Variants in MAGI2 observed in about 807,000 individuals in gnomAD.
MAGI2 encodes membrane-associated guanylate kinase, WW and PDZ domain-containing protein 2.
In MAGI2, 35 loss-of-function variants were observed where a neutral mutation model predicts 133.3. That is an observed-to-expected ratio of 0.26 (90% CI 0.20 to 0.35). The LOEUF is 0.35. Ranked by LOEUF, MAGI2 falls within the 10% of genes least tolerant of loss-of-function variation. The pLI is 1.00. For synonymous variants in MAGI2, 729 were observed against 710.6 expected (o/e 1.03, Z -0.41); for missense variants, 1,636 against 1,863.4 (o/e 0.88, Z 2.25).
intron 12 of MAGI2, among the ~76,000 whole-genome samples, chr7:78,191,489 T>G (rs1828205994): frequency 6.6e-6 from 1 of 152,248 alleles, no homozygotes; most frequent in Non-Finnish European, 1.5e-5. Context: ...CATTGTAAGC[T>G]TCTAATGAGC....
At position 78,668,887 on chromosome 7, in the gene MAGI2, A is replaced by C. The variant is rs562199762; in HGVS notation, c.419-41648T>G. 8.8e-3 allele frequency among the ~76,000 whole-genome samples: 1,324 copies of C among 150,614 alleles called. 28 individuals are homozygous for C. Among genetic ancestry groups the C allele is most frequent in the African/African-American group, 0.031 (1,252 of 40,026 alleles). ...TTGAAACCAATGAGAACAAAGACACAACATACCAGAATCTCTGGGACGCAT... is the reference window on the plus strand; with the variant it reads ...TTGAAACCAATGAGAACAAAGACACCACATACCAGAATCTCTGGGACGCAT... On this transcript the variant is annotated intron_variant, in intron 2 of 21. Transcript: ENST00000354212.
At chr7:78,890,680 G>T (rs1796669997) in intron 2 of MAGI2, among the ~76,000 whole-genome samples, 1 of 152,148 alleles carries the variant, frequency 6.6e-6, no homozygotes, top group Non-Finnish European at 1.5e-5. Flanking sequence ...TGAAACCAAT[G>T]AGAACAAAGA....
intron 9 of MAGI2, among the ~76,000 whole-genome samples, chr7:78,278,803 C>A (rs1453414126): frequency 6.6e-6 from 1 of 152,122 alleles, no homozygotes; most frequent in Non-Finnish European, 1.5e-5. Flanking sequence ...TGCTTCCCTG[C>A]CCTTCAGATT....
At chr7:79,303,382 G>C (rs992442929) in intron 1 of MAGI2, among the ~76,000 whole-genome samples, 6 of 152,060 alleles carry the variant, frequency 3.9e-5, no homozygotes, top group African/African-American at 1.4e-4. Context: ...AAACACTTTA[G>C]TACCTTGGGA....
chr7:78,848,437 C>T (rs181476974), intron 2 of MAGI2, among the ~76,000 whole-genome samples: 236 of 152,088 alleles, frequency 1.6e-3, no homozygotes, highest in Admixed American at 3.9e-3. Context: ...CTATCCTTGC[C>T]ATCCTTTGAG....
intron 2 of MAGI2, among the ~76,000 whole-genome samples, chr7:78,963,098 T>C (rs1015479004): frequency 6.6e-5 from 10 of 152,090 alleles, no homozygotes; most frequent in Admixed American, 2.6e-4. Flanking sequence ...CTATGAGTTA[T>C]GGATTATTCA....
At chr7:78,530,038 C>A (rs573205736) in intron 3 of MAGI2, among the ~76,000 whole-genome samples, 16 of 152,116 alleles carry the variant, frequency 1.1e-4, no homozygotes, top group African/African-American at 3.9e-4. Context: ...ATTTAATGGC[C>A]ATATGTTACT....
At chr7:79,418,832 C>CAT (rs1333739769) in intron 1 of MAGI2, among the ~76,000 whole-genome samples, 1 of 23,186 alleles carries the variant, frequency 4.3e-5, no homozygotes, top group Non-Finnish European at 6.5e-5. Context: ...AATACACATA[C>CAT]ACACACACAC....
chr7:78,850,620 T>G (rs1489976912), intron 2 of MAGI2, among the ~76,000 whole-genome samples: 2 of 152,072 alleles, frequency 1.3e-5, no homozygotes, highest in African/African-American at 4.8e-5. Flanking sequence ...ATTTTGAGTT[T>G]TTCCTGGATA....
intron 3 of MAGI2, among the ~76,000 whole-genome samples, chr7:78,588,654 G>A (rs1803669946): frequency 6.6e-6 from 1 of 152,144 alleles, no homozygotes; most frequent in Non-Finnish European, 1.5e-5. Context: ...AGGCATTTGT[G>A]GAATAGCAAT....
chr7:78,836,511 G>T (rs1791629644), intron 2 of MAGI2, among the ~76,000 whole-genome samples: 1 of 152,098 alleles, frequency 6.6e-6, no homozygotes. Flanking sequence ...AGAGTACTGA[G>T]TAGCGAAGTT....
chr7:78,099,563 A>G (rs1040289247), intron 20 of MAGI2, among the ~76,000 whole-genome samples: 3 of 152,186 alleles, frequency 2.0e-5, no homozygotes, highest in African/African-American at 4.8e-5. Context: ...ACCTAATAGA[A>G]GAACTGTATA....
intron 9 of MAGI2, among the ~76,000 whole-genome samples, chr7:78,287,440 T>C (rs1016325731): frequency 1.2e-4 from 18 of 152,238 alleles, no homozygotes; most frequent in South Asian, 4.1e-4. Flanking sequence ...ACTGAGTCCA[T>C]TGGAGGAGGA....
chr7:79,015,351 TCA>T (rs1808590067), intron 1 of MAGI2, among the ~76,000 whole-genome samples: 1 of 80,154 alleles, frequency 1.2e-5, no homozygotes, highest in Non-Finnish European at 3.0e-5. Flanking sequence ...ATATTTTTTT[TCA>T]ACCTGCTGAC....
At chr7:78,403,959 C>T (rs1226387886) in intron 6 of MAGI2, among the ~76,000 whole-genome samples, 1 of 152,186 alleles carries the variant, frequency 6.6e-6, no homozygotes, top group African/African-American at 2.4e-5. Context: ...TAAGCAACTT[C>T]AGCAAAGACT....
chr7:78,024,855 A>T (rs1808760601), intron 21 of MAGI2, among the ~76,000 whole-genome samples: 2 of 152,234 alleles, frequency 1.3e-5, no homozygotes, highest in South Asian at 4.1e-4. Context: ...TACTCAAGGG[A>T]TTGGCCTGCC....
chr7:79,321,811 G>C (rs1192732396), intron 1 of MAGI2, among the ~76,000 whole-genome samples: 4 of 152,214 alleles, frequency 2.6e-5, no homozygotes, highest in Non-Finnish European at 5.9e-5. Context: ...GTGCTAGCCA[G>C]TGGACTAGGC....
chr7:78,265,419 A>G (rs920959538), intron 9 of MAGI2, among the ~76,000 whole-genome samples: 5 of 152,230 alleles, frequency 3.3e-5, no homozygotes, highest in Non-Finnish European at 5.9e-5. Flanking sequence ...TGGGAATTCA[A>G]TAGCATAAAA....
At chr7:78,162,135 G>C (rs1352464362) in intron 15 of MAGI2, among the ~76,000 whole-genome samples, 1 of 152,126 alleles carries the variant, frequency 6.6e-6, no homozygotes, top group Non-Finnish European at 1.5e-5. Context: ...CGAGTTATTG[G>C]ACCAAACCAG....
Sources: gnomAD v4.1 joint callset for allele counts (sites outside exome capture counted in the v4.1 genomes callset) on GRCh38, gnomAD v4.1.1 for gene constraint, MANE v1.5 for transcripts, NCBI Gene and HGNC (gene_info 2026-07-23, HGNC 2026-07-21) for gene names.